The following ATIC variants were observed in gnomAD, a reference collection of about 807,000 sequenced individuals.
ATIC encodes 5-aminoimidazole-4-carboxamide ribonucleotide formyltransferase/IMP cyclohydrolase.
A neutral mutation model predicts 72.5 loss-of-function variants in ATIC; 64 were observed. The observed-to-expected ratio is 0.88, with a 90% CI of 0.72 to 1.09. ATIC has a LOEUF of 1.09. ATIC is among the 50% of genes least tolerant of loss of function. The pLI is 0.00. For missense variants in ATIC, 787 were observed against 732.4 expected, an observed-to-expected ratio of 1.07 and a Z score of -0.86; for synonymous variants, 281 against 267.1, an observed-to-expected ratio of 1.05 and a Z score of -0.51.
At chr2:215,314,378 T>C (rs1314736735) in intron 2 of ATIC, among the ~76,000 whole-genome samples, 6 of 152,232 alleles carry the variant, frequency 3.9e-5, no homozygotes, top group African/African-American at 9.6e-5. Flanking sequence ...TAAACTCTTA[T>C]AGTCCTTATA....
At chr2:215,358,956 C>T in the ATIC span, among the ~76,000 whole-genome samples, 4 of 152,210 alleles carry the variant, frequency 2.6e-5, no homozygotes, top group Non-Finnish European at 4.4e-5. Context: ...AATCTTGACT[C>T]GCTGCAACCT....
chr2:215,336,157 GCT>G lies in ATIC; in HGVS notation c.1098+36_1098+37del, dbSNP rs768212445. 1.6e-5 allele frequency: 24 copies of G among 1,496,070 alleles called. 1 individual carries two copies. In the South Asian group the frequency reaches 2.6e-4, roughly 16 times the overall value. The allele number at this position is 1,496,070 out of a possible 1,614,324, so 92.7% of individuals were successfully genotyped here. On this transcript the variant is annotated intron_variant, in intron 11 of 15. Coordinates refer to ENST00000236959, the MANE Select transcript of ATIC (RefSeq NM_004044.7). ...CAATTCATGTTTGAAGCGGTAATTT[GCT>G]CTTTTATTCTGTGTCTCTTTCTCCC...
intron 2 of ATIC, 44 bp from the exon 3 acceptor site, chr2:215,318,113 A>C: frequency 6.5e-7 from 1 of 1,541,270 alleles, no homozygotes; most frequent in Non-Finnish European, 9.0e-7. Context: ...GAAAATTACA[A>C]TTCAGCCACA....
the ATIC span, chr2:215,361,550 A>G: frequency 6.3e-7 from 1 of 1,594,634 alleles, no homozygotes; most frequent in Admixed American, 1.7e-5. Flanking sequence ...GATTGGAAAG[A>G]TGATTTACTC....
At chr2:215,344,176 TATG>T (rs1319503468) in intron 12 of ATIC, among the ~76,000 whole-genome samples, 1 of 152,222 alleles carries the variant, frequency 6.6e-6, no homozygotes, top group Non-Finnish European at 1.5e-5. Flanking sequence ...TTGGAATGGA[TATG>T]GTAGTTCTTA....
intron 2 of ATIC, among the ~76,000 whole-genome samples, chr2:215,317,483 GTGT>G (rs983211108): frequency 6.6e-5 from 10 of 151,972 alleles, no homozygotes; most frequent in South Asian, 2.1e-4. Flanking sequence ...CCATCTTCAT[GTGT>G]TGTTGTTGTT....
intron 7 of ATIC, among the ~76,000 whole-genome samples, chr2:215,331,075 A>T (rs2052887955): frequency 6.6e-6 from 1 of 152,196 alleles, no homozygotes; most frequent in African/African-American, 2.4e-5. Flanking sequence ...AGTTTTTGGT[A>T]GTTTATGAAC....
chr2:215,367,367 A>C, the ATIC span, among the ~76,000 whole-genome samples: 4 of 152,310 alleles, frequency 2.6e-5, no homozygotes, highest in South Asian at 8.3e-4. Flanking sequence ...TATTTCTAGC[A>C]ACGTTCAAGC....
At position 215,326,924 on chromosome 2, in the gene ATIC, C is replaced by G; in HGVS notation, c.634C>G (p.Pro212Ala). 6.2e-7 allele frequency: 1 copy of G among 1,614,082 alleles called. No homozygotes were observed. The highest frequency in any genetic ancestry group is 8.5e-7 in the Non-Finnish European group (1 of 1,180,006). ...GATGCCCTTGAGATATGGAATGAAC[C>G]CACATCAGACCCCTGCCCAGCTGTA... ...SQMPLRYGMN[P>A]HQTPAQLYTL... is the part of the protein sequence containing the mutation. The change falls in exon 7 of 16, where the codon CCA (proline) becomes GCA (alanine). Residue 212 changes from proline (P) to alanine (A), a missense_variant. Transcript: ENST00000236959.
At chr2:215,325,158 TA>T (rs2052808905) in intron 4 of ATIC, 82 bp from the exon 5 acceptor site, 1 of 973,072 alleles carries the variant, frequency 1.0e-6, no homozygotes, top group Non-Finnish European at 1.7e-6. Context: ...ACGTTAATAG[TA>T]CTGACTTGTT....
intron 12 of ATIC, among the ~76,000 whole-genome samples, chr2:215,340,581 G>C (rs536404945): frequency 4.6e-5 from 7 of 152,208 alleles, no homozygotes; most frequent in African/African-American, 9.6e-5. Context: ...TTTCTCTCCA[G>C]AGTTGACTTG....
chr2:215,339,568 C>T (rs932463571), intron 12 of ATIC, among the ~76,000 whole-genome samples: 2 of 152,128 alleles, frequency 1.3e-5, no homozygotes, highest in Admixed American at 1.3e-4. Flanking sequence ...GGCAGTCAGT[C>T]CATGTGTAGA....
At chr2:215,352,652 T>C (rs1032756892), downstream of ATIC, among the ~76,000 whole-genome samples, 2 of 152,096 alleles carry the variant, frequency 1.3e-5, no homozygotes, top group African/African-American at 4.8e-5. Flanking sequence ...CACATTCAAG[T>C]ATCATACTAA....
chr2:215,344,515 A>G (rs2053051616), intron 12 of ATIC, among the ~76,000 whole-genome samples: 1 of 151,734 alleles, frequency 6.6e-6, no homozygotes, highest in African/African-American at 2.4e-5. Flanking sequence ...ACATGGTGAA[A>G]CCCCATCTCT....
rs141587579 is a variant in ATIC at position 215,336,115 on chromosome 2, T to C, written c.1089T>C (p.Cys363=). The C allele has an allele frequency of 2.5e-6, 4 of 1,610,518 alleles. No homozygotes were observed. Among genetic ancestry groups the C allele is most frequent in the Non-Finnish European group, 3.4e-6 (4 of 1,176,974 alleles). The change falls in exon 11 of 16, where the codon TGT becomes TGC. Residue 363 remains cysteine, a synonymous_variant. Coordinates refer to ENST00000236959, the MANE Select transcript of ATIC (RefSeq NM_004044.7). ...CCAAAAAGAAAAATGGAAACTATTG[T>C]GTCCTTCAGGTGAGTGCAATTCATG... ...ILSKKKNGNY[C]VLQMDQSYKP... is the part of the protein sequence containing the mutation.
intron 12 of ATIC, among the ~76,000 whole-genome samples, chr2:215,341,531 A>G (rs1190098538): frequency 6.6e-6 from 1 of 152,202 alleles, no homozygotes; most frequent in Non-Finnish European, 1.5e-5. Flanking sequence ...TGAGAGAATG[A>G]TAGCTTTGTT....
At chr2:215,359,624 C>G in the ATIC span, among the ~76,000 whole-genome samples, 1 of 151,868 alleles carries the variant, frequency 6.6e-6, no homozygotes, top group Admixed American at 6.6e-5. Flanking sequence ...CTAAGGAAAC[C>G]TCATCTGAGC....
At chr2:215,325,781 G>A (rs929064429) in intron 5 of ATIC, among the ~76,000 whole-genome samples, 1 of 152,052 alleles carries the variant, frequency 6.6e-6, no homozygotes, top group Non-Finnish European at 1.5e-5. Flanking sequence ...GGCCAGAGTG[G>A]TCTCGAACTC....
intron 12 of ATIC, among the ~76,000 whole-genome samples, chr2:215,344,190 C>A (rs577847533): frequency 8.5e-5 from 13 of 152,246 alleles, no homozygotes; most frequent in Admixed American, 2.0e-4. Context: ...GTAGTTCTTA[C>A]CTCATGTGAT....
Sources: gnomAD v4.1 joint callset for allele counts (sites outside exome capture counted in the v4.1 genomes callset) on GRCh38, gnomAD v4.1.1 for gene constraint, MANE v1.5 for transcripts, NCBI Gene and HGNC (gene_info 2026-07-23, HGNC 2026-07-21) for gene names.